Variants in SIN3B observed in about 807,000 individuals in gnomAD.
SIN3B encodes paired amphipathic helix protein Sin3b.
SIN3B carries 19 observed loss-of-function variants against 120.2 expected under a neutral mutation model. The observed-to-expected ratio is 0.16, with a 90% CI of 0.11 to 0.23. The LOEUF is 0.23. Among genes scored for constraint, SIN3B ranks in the 10% least tolerant of loss-of-function variants. SIN3B has a pLI of 1.00. For missense variants in SIN3B, 1,073 were observed against 1,573.0 expected, an observed-to-expected ratio of 0.68 and a Z score of 5.38; for synonymous variants, 654 against 653.2, an observed-to-expected ratio of 1.00 and a Z score of -0.02.
rs976570997 is a variant in SIN3B, at chr19:16,878,860, C to T, written c.*133C>T. The T allele has an allele frequency of 6.1e-6, 5 of 823,594 alleles. No individual in the cohort carries two copies. The African/African-American group carries it at 6.9e-5, about 11-fold the overall frequency. The allele number at this position is 823,594 out of a possible 1,614,324, so 51.0% of individuals were successfully genotyped here. A position where few individuals can be genotyped will look rare whatever the true frequency, so the allele number is the denominator to read the frequency against. Reference sequence around the variant, plus strand: ...CCCTCTGCTGCCGGACAGCGCACTCCAGGGCAGGACGCCGCCCCCGTGGCT... The same window carrying T: ...CCCTCTGCTGCCGGACAGCGCACTCTAGGGCAGGACGCCGCCCCCGTGGCT... On this transcript the variant is annotated 3_prime_UTR_variant, in exon 19 of 19. Coordinates refer to ENST00000248054, the MANE Select transcript of SIN3B (RefSeq NM_001297595.2).
chr19:16,863,481 C>G (rs1971717323), intron 9 of SIN3B, 199 bp from the exon 10 acceptor site: 1 of 575,062 alleles, frequency 1.7e-6, no homozygotes, highest in East Asian at 2.8e-5. Context: ...AACCAATCTC[C>G]CAGGATACCA....
Position 16,877,794 on chromosome 19 carries a change from G to A in SIN3B, c.2954+155G>A, listed in dbSNP as rs112976625. 3.9e-5 allele frequency among the ~76,000 whole-genome samples: 6 copies of A among 152,308 alleles called. No individual in the cohort carries two copies. The East Asian group carries it at 1.2e-3, about 29-fold the overall frequency. ...GGCAGGCCCTGCCCTTTTGAGGCTT[G>A]TGGTTTGCAGTGGAGGGATTAGTAA... On this transcript the variant is annotated intron_variant, in intron 17 of 18. Transcript: ENST00000248054.
chr19:16,845,113 A>G (rs1029142614), intron 4 of SIN3B, among the ~76,000 whole-genome samples: 3 of 152,228 alleles, frequency 2.0e-5, no homozygotes, highest in Admixed American at 6.5e-5. Context: ...TTAGACAGAC[A>G]TCTTGTTCAA....
chr19:16,875,935 C>T, intron 14 of SIN3B, 120 bp from the exon 15 acceptor site: 1 of 1,223,424 alleles, frequency 8.2e-7, no homozygotes, highest in Non-Finnish European at 1.1e-6. Flanking sequence ...GTCTCTTCAT[C>T]CCTGTGTCAT....
chr19:16,878,857 C>A lies in SIN3B; in HGVS notation c.*130C>A. On this transcript the variant is annotated 3_prime_UTR_variant, in exon 19 of 19. Transcript: ENST00000248054. The stretch of plus-strand genomic sequence containing the variant: ...AGCCCCTCTGCTGCCGGACAGCGCA[C>A]TCCAGGGCAGGACGCCGCCCCCGTG... The A allele has an allele frequency of 5.8e-6, 5 of 860,724 alleles. No individual in the cohort carries two copies. Among genetic ancestry groups the A allele is most frequent in the Non-Finnish European group, 8.8e-6 (5 of 570,214 alleles). 53.3% of individuals were successfully genotyped at this position (860,724 alleles called of 1,614,324 possible).
intron 14 of SIN3B, chr19:16,875,783 T>C (rs1213041661): frequency 8.2e-6 from 4 of 488,990 alleles, no homozygotes; most frequent in African/African-American, 3.9e-5. Context: ...TTTGGTCTGG[T>C]CTGGTCTGGT....
At chr19:16,833,226 A>G (rs899251340) in intron 3 of SIN3B, among the ~76,000 whole-genome samples, 16 of 152,218 alleles carry the variant, frequency 1.1e-4, no homozygotes, top group African/African-American at 3.9e-4. Context: ...AAGAGATGAT[A>G]GAGCGTCCAA....
In SIN3B at chr19:16,862,842, G is replaced by A. The variant is rs1426158982; in HGVS notation, c.1266+283G>A. On this transcript the variant is annotated intron_variant, in intron 9 of 18. Coordinates refer to ENST00000248054, the MANE Select transcript of SIN3B (RefSeq NM_001297595.2). This position sits in a 1 kb window ranked among gnomAD's most constrained non-coding sequence, Gnocchi z 4.7. ...TTAGGTTTATTGCTGCCATGATTCT[G>A]CTCTGTCCCGGGCTCACTGACCTCA... is the stretch of plus-strand genomic sequence containing the variant. 1 of 1,447,270 alleles carries A rather than the reference G, an allele frequency of 6.9e-7. No homozygotes were observed. The allele number at this position is 1,447,270 out of a possible 1,614,324, so 89.7% of individuals were successfully genotyped here.
intron 14 of SIN3B, 111 bp from the exon 15 acceptor site, chr19:16,875,944 A>G (rs1599618409): frequency 2.3e-6 from 3 of 1,295,964 alleles, no homozygotes; most frequent in Non-Finnish European, 3.1e-6. Flanking sequence ...TCCCTGTGTC[A>G]TGCACTCTCC....
intron 3 of SIN3B, among the ~76,000 whole-genome samples, chr19:16,837,133 G>A (rs763525266): frequency 1.3e-5 from 2 of 152,108 alleles, no homozygotes; most frequent in African/African-American, 2.4e-5. Context: ...TCCTGGTGGG[G>A]AGTGATGGCC....
At chr19:16,836,994 G>T (rs1045737633) in intron 3 of SIN3B, among the ~76,000 whole-genome samples, 4 of 152,252 alleles carry the variant, frequency 2.6e-5, no homozygotes, top group South Asian at 2.1e-4. Flanking sequence ...CAGTCAAGGT[G>T]GGGGGTCCGA....
intron 6 of SIN3B, among the ~76,000 whole-genome samples, chr19:16,852,188 G>A (rs994135974): frequency 7.9e-5 from 12 of 151,816 alleles, no homozygotes; most frequent in Admixed American, 4.6e-4. Flanking sequence ...GTGCAGTGGC[G>A]CGATCTCGGC....
chr19:16,839,397 C>T (rs910606416), intron 3 of SIN3B, among the ~76,000 whole-genome samples: 1 of 152,204 alleles, frequency 6.6e-6, no homozygotes, highest in African/African-American at 2.4e-5. Context: ...CACACTGTCC[C>T]TCGTGGTGGC....
intron 8 of SIN3B, among the ~76,000 whole-genome samples, chr19:16,856,229 C>T (rs563682319): frequency 1.9e-4 from 29 of 152,158 alleles, no homozygotes; most frequent in Non-Finnish European, 3.2e-4. Context: ...CATTCTCGGG[C>T]TCACAGGAGT....
intron 5 of SIN3B, among the ~76,000 whole-genome samples, chr19:16,849,853 G>T (rs940152650): frequency 6.6e-6 from 1 of 151,952 alleles, no homozygotes; most frequent in African/African-American, 2.4e-5. Context: ...CTACATAGAA[G>T]GCTGAAGCAA....
intron 5 of SIN3B, among the ~76,000 whole-genome samples, chr19:16,850,995 ACAT>A (rs1971537329): frequency 2.6e-5 from 4 of 152,188 alleles, no homozygotes; most frequent in Admixed American, 2.6e-4. Context: ...GCCCTGGCAA[ACAT>A]CAGCCACTTC....
At chr19:16,844,532 T>C (rs1035592200) in intron 4 of SIN3B, among the ~76,000 whole-genome samples, 1 of 152,194 alleles carries the variant, frequency 6.6e-6, no homozygotes, top group African/African-American at 2.4e-5. Context: ...CGTATGCATG[T>C]CCTGTGTGTG....
chr19:16,850,517 T>C (rs1301746344), intron 5 of SIN3B, among the ~76,000 whole-genome samples: 2 of 152,150 alleles, frequency 1.3e-5, no homozygotes, highest in Non-Finnish European at 2.9e-5. Flanking sequence ...GCCCATAGTA[T>C]CTGATCGCTG....
intron 4 of SIN3B, among the ~76,000 whole-genome samples, chr19:16,846,109 T>C (rs1238855191): frequency 1.3e-5 from 2 of 152,234 alleles, no homozygotes; most frequent in Admixed American, 6.5e-5. Context: ...GTGTGGTCGT[T>C]GTTCTGTCCG....
Sources: gnomAD v4.1 joint callset for allele counts (sites outside exome capture counted in the v4.1 genomes callset) on GRCh38, gnomAD v4.1.1 for gene constraint, Gnocchi (gnomAD v3.1) non-coding constraint, MANE v1.5 for transcripts, NCBI Gene and HGNC (gene_info 2026-07-23, HGNC 2026-07-21) for gene names.